Variants in COL4A5 observed in about 807,000 individuals in gnomAD.
The protein encoded by COL4A5 is collagen alpha-5(IV) chain.
In COL4A5, 26 loss-of-function variants were observed where a neutral mutation model predicts 130.2. The ratio of observed to expected loss-of-function variants is 0.20; its 90% CI spans 0.15 to 0.28. COL4A5 has a LOEUF of 0.28. Ranked by LOEUF, COL4A5 falls within the 10% of genes least tolerant of loss-of-function variation. The pLI, the probability that COL4A5 is intolerant of heterozygous loss-of-function variation, is 1.00. For missense variants in COL4A5, 1,131 were observed against 1,344.3 expected (o/e 0.84, Z 2.48); for synonymous variants, 496 against 439.6 (o/e 1.13, Z -1.60).
intron 51 of COL4A5, 67 bp from the exon 52 acceptor site, chrX:108,695,200 C>A: frequency 8.5e-7 from 1 of 1,179,714 alleles, no homozygotes; most frequent in African/African-American, 1.7e-5. Flanking sequence ...CAGCACACAT[C>A]TTTGGATATT....
intron 46 of COL4A5, 89 bp downstream of exon 46, chrX:108,681,045 T>C (rs2068417000): frequency 1.2e-6 from 1 of 841,687 alleles, no homozygotes; most frequent in Non-Finnish European, 1.8e-6. Context: ...AGCCAGACCA[T>C]CGGAGGCTAA....
Position 108,575,906 on chromosome X carries a change from A to G in COL4A5, c.547-4A>G. The G allele has an allele frequency of 8.6e-7, 1 of 1,163,485 alleles. No homozygotes were observed. The highest frequency in any genetic ancestry group is 1.2e-6 in the Non-Finnish European group (1 of 854,490). On this transcript the variant is annotated splice_region_variant and splice_polypyrimidine_tract_variant and intron_variant, in intron 9 of 52. Transcript: ENST00000328300. ...CATCATTTTCTTTACTCACTTTATA[A>G]CAGGGCCTACCTGGTCCCACTGGTA...
intron 1 of COL4A5, among the ~76,000 whole-genome samples, chrX:108,499,198 T>C: frequency 8.9e-6 from 1 of 111,744 alleles, no homozygotes; most frequent in Middle Eastern, 4.7e-3. Flanking sequence ...ATTTTTATCA[T>C]GAATGGATAT....
chrX:108,611,583 A>G (rs1260630017), intron 29 of COL4A5, among the ~76,000 whole-genome samples: 1 of 111,657 alleles, frequency 9.0e-6, no homozygotes, highest in Non-Finnish European at 1.9e-5. Context: ...TTCTTGAAAG[A>G]CATAAATTGT....
intron 1 of COL4A5, among the ~76,000 whole-genome samples, chrX:108,479,206 A>T (rs1313873982): frequency 1.8e-5 from 2 of 112,328 alleles, no homozygotes; most frequent in Non-Finnish European, 3.8e-5. Flanking sequence ...GGATACAAAT[A>T]TCCTCACAGT....
At chrX:108,502,189 T>C (rs1407861199) in intron 1 of COL4A5, among the ~76,000 whole-genome samples, 1 of 112,524 alleles carries the variant, frequency 8.9e-6, no homozygotes, top group East Asian at 2.8e-4. Flanking sequence ...CAGGTGAACA[T>C]TATAGTTCTG....
intron 6 of COL4A5, 24 bp from the exon 7 acceptor site, chrX:108,571,389 C>G: frequency 8.8e-7 from 1 of 1,137,901 alleles, no homozygotes; most frequent in Non-Finnish European, 1.2e-6. Flanking sequence ...TTCCTCCATG[C>G]TCTTTATTTT....
chrX:108,696,077 A>G (rs186074179), intron 52 of COL4A5: 13 of 390,921 alleles, frequency 3.3e-5, no homozygotes, highest in Non-Finnish European at 4.5e-5. Context: ...ATATACAAAG[A>G]TAATAGTGGT....
At chrX:108,644,871 G>A (rs1361463008) in intron 36 of COL4A5, among the ~76,000 whole-genome samples, 1 of 102,627 alleles carries the variant, frequency 9.7e-6, no homozygotes, top group East Asian at 3.0e-4. Context: ...CTGCACTCCA[G>A]CCTGGGTGAC....
At chrX:108,523,538 T>G (rs1459477995) in intron 1 of COL4A5, among the ~76,000 whole-genome samples, 2 of 112,121 alleles carry the variant, frequency 1.8e-5, no homozygotes, top group Non-Finnish European at 3.8e-5. Context: ...TCCTTCAGCT[T>G]TGTTCTTTAA....
chrX:108,584,429 A>G, intron 17 of COL4A5, 55 bp from the exon 18 acceptor site: 1 of 1,038,060 alleles, frequency 9.6e-7, no homozygotes, highest in Non-Finnish European at 1.3e-6. Flanking sequence ...ATTCTTGAGG[A>G]AATTGATGTT....
At chrX:108,575,998 TC>T (rs745409813) in intron 10 of COL4A5, 26 bp downstream of exon 10, 97 of 971,326 alleles carry the variant, frequency 1.0e-4, no homozygotes, top group Non-Finnish European at 1.3e-4. Flanking sequence ...TAATTTAATT[TC>T]CCCCCCTTTC....
At chrX:108,464,238 C>T (rs1425277990) in intron 1 of COL4A5, among the ~76,000 whole-genome samples, 1 of 111,838 alleles carries the variant, frequency 8.9e-6, no homozygotes, top group African/African-American at 3.2e-5. Context: ...GGAAAGATGT[C>T]TTAGAAACAC....
intron 1 of COL4A5, among the ~76,000 whole-genome samples, chrX:108,534,327 A>G (rs1310408050): frequency 8.9e-6 from 1 of 112,064 alleles, no homozygotes; most frequent in African/African-American, 3.2e-5. Flanking sequence ...AAAGATATGC[A>G]ATTAACCTAA....
At chrX:108,671,404 T>C (rs1029583916) in intron 42 of COL4A5, among the ~76,000 whole-genome samples, 5 of 111,883 alleles carry the variant, frequency 4.5e-5, no homozygotes, top group Admixed American at 9.5e-5. Context: ...TCTACCTGAA[T>C]TGATTCTCTA....
At chrX:108,452,096 G>T (rs746036527) in intron 1 of COL4A5, among the ~76,000 whole-genome samples, 62 of 111,952 alleles carry the variant, frequency 5.5e-4, no homozygotes, top group Admixed American at 8.5e-4. Flanking sequence ...TTTCCCCATT[G>T]CTTGTTTTTC....
At chrX:108,511,621 A>C (rs2065180121) in intron 1 of COL4A5, among the ~76,000 whole-genome samples, 1 of 111,898 alleles carries the variant, frequency 8.9e-6, no homozygotes, top group Non-Finnish European at 1.9e-5. Context: ...GACATAAATC[A>C]ATGGAGTAGA....
At chrX:108,460,319 T>C (rs772116676) in intron 1 of COL4A5, among the ~76,000 whole-genome samples, 11 of 111,703 alleles carry the variant, frequency 9.8e-5, no homozygotes, top group African/African-American at 3.6e-4. Context: ...TTCTTAGATG[T>C]GGGTATGTTA....
At chrX:108,444,770 A>G (rs1048320012) in intron 1 of COL4A5, among the ~76,000 whole-genome samples, 2 of 111,957 alleles carry the variant, frequency 1.8e-5, no homozygotes, top group Non-Finnish European at 3.8e-5. Context: ...TGTCAAAATC[A>G]TGGATTCATA....
Sources: allele counts gnomAD v4.1 joint callset (sites outside exome capture counted in the v4.1 genomes callset), GRCh38; gene constraint gnomAD v4.1.1; transcripts MANE v1.5; gene names NCBI Gene and HGNC (gene_info 2026-07-23, HGNC 2026-07-21).